Variants in RYR3 observed in about 807,000 individuals in gnomAD.
RYR3 encodes the protein brain ryanodine receptor-calcium release channel.
In RYR3, 207 loss-of-function variants were observed where a neutral mutation model predicts 584.3. That is an observed-to-expected ratio of 0.35 (90% CI 0.32 to 0.40). The LOEUF (loss-of-function observed/expected upper bound fraction) is 0.40, where lower values mean the gene tolerates loss of function less well. Among genes scored for constraint, RYR3 ranks in the 10% least tolerant of loss-of-function variants. The pLI, the probability that RYR3 is intolerant of heterozygous loss-of-function variation, is 1.00. For synonymous variants in RYR3, 2,416 were observed against 2,248.5 expected (o/e 1.07, Z -2.11); for missense variants, 5,616 against 6,089.2 (o/e 0.92, Z 2.59).
chr15:33,676,956 A>G (rs2064223670), intron 38 of RYR3, among the ~76,000 whole-genome samples: 1 of 152,212 alleles, frequency 6.6e-6, no homozygotes, highest in Non-Finnish European at 1.5e-5. Context: ...AAAGTCGAAC[A>G]CTTAATTGAG....
chr15:33,496,512 T>C (rs540569184), intron 2 of RYR3, among the ~76,000 whole-genome samples: 1 of 152,258 alleles, frequency 6.6e-6, no homozygotes, highest in East Asian at 1.9e-4. Flanking sequence ...ATATATGCGC[T>C]CTTTTTCTTT....
intron 82 of RYR3, 158 bp downstream of exon 82, chr15:33,825,834 G>C (rs2077352931): frequency 5.5e-6 from 3 of 548,478 alleles, no homozygotes; most frequent in East Asian, 6.2e-5. Context: ...CTGGGTTCAA[G>C]CACTTCTCCT....
At position 33,662,142 on chromosome 15, in the gene RYR3, C is replaced by G. The variant is rs377605521; in HGVS notation, c.4623-11C>G. 5 of 1,562,798 alleles carry G rather than the reference C, an allele frequency of 3.2e-6. No individual in the cohort carries two copies. The African/African-American group carries it at 4.1e-5, about 13-fold the overall frequency. On this transcript the variant is annotated splice_polypyrimidine_tract_variant and intron_variant, in intron 34 of 103. Coordinates refer to ENST00000634891, the MANE Select transcript of RYR3 (RefSeq NM_001036.6). ...CCCCCTGGTGTGGCTGATTGCTCGT[C>G]CTGTCCTCAGGTGTGTGGATATCCT...
intron 11 of RYR3, among the ~76,000 whole-genome samples, chr15:33,563,761 G>A (rs2057544848): frequency 6.6e-6 from 1 of 152,142 alleles, no homozygotes; most frequent in Non-Finnish European, 1.5e-5. Flanking sequence ...CAGTTTTCCA[G>A]AATGCAGGTT....
chr15:33,514,601 T>C (rs894538878), intron 3 of RYR3, among the ~76,000 whole-genome samples: 24 of 152,146 alleles, frequency 1.6e-4, no homozygotes, highest in African/African-American at 5.8e-4. Flanking sequence ...AAAGGTAAGT[T>C]GAATGCATTA....
Position 33,826,741 on chromosome 15 carries a change from G to T in RYR3, c.11234G>T (p.Gly3745Val), listed in dbSNP as rs1220700130. 1.2e-6 allele frequency: 2 copies of T among 1,611,594 alleles called. No individual in the cohort carries two copies. The highest frequency in any genetic ancestry group is 1.7e-6 in the Non-Finnish European group (2 of 1,178,840). Residue 3745 changes from glycine to valine, a missense_variant, in exon 84 of 104, where the codon GGA (glycine) becomes GTA (valine). This residue lies in a region of RYR3 where 954 missense variants were observed against 1,132.2 expected (regional missense o/e 0.84). Coordinates refer to ENST00000634891, the MANE Select transcript of RYR3 (RefSeq NM_001036.6). Reference sequence around the variant, plus strand: ...AGATTCCTACAGTTACTTTGTGAGGGACATAACAGTGGTGAGTGGAACAGA... The same window carrying T: ...AGATTCCTACAGTTACTTTGTGAGGTACATAACAGTGGTGAGTGGAACAGA... ...LFRFLQLLCE[G>V]HNSDFQNFLR...
At chr15:33,512,781 T>G (rs1425506255) in intron 3 of RYR3, among the ~76,000 whole-genome samples, 2 of 152,254 alleles carry the variant, frequency 1.3e-5, no homozygotes, top group Admixed American at 6.5e-5. Context: ...TGGTGGTGGT[T>G]GTTTCTATAT....
At chr15:33,569,375 ACT>A (rs1567559120) in intron 12 of RYR3, among the ~76,000 whole-genome samples, 1 of 151,990 alleles carries the variant, frequency 6.6e-6, no homozygotes, top group African/African-American at 2.4e-5. Context: ...CCAAACTGAA[ACT>A]CTGTATTTAT....
chr15:33,623,713 G>A (rs1002559445), intron 19 of RYR3, 94 bp from the exon 20 acceptor site: 1 of 858,442 alleles, frequency 1.2e-6, no homozygotes, highest in African/African-American at 1.7e-5. Flanking sequence ...ATTATGTTGA[G>A]GGTGGGAGGT....
At chr15:33,769,249 G>A (rs925972452) in intron 62 of RYR3, 77 bp downstream of exon 62, 1 of 1,071,422 alleles carries the variant, frequency 9.3e-7, no homozygotes, top group Admixed American at 1.7e-5. Flanking sequence ...TTATACTGAA[G>A]AGAAGACAGA....
In RYR3 at chr15:33,696,475, A is replaced by T. The variant is rs750470691; in HGVS notation, c.6118A>T (p.Met2040Leu). The change falls in exon 39 of 104, where the codon ATG (methionine) becomes TTG (leucine). Residue 2040 changes from methionine (M) to leucine (L), a missense_variant. Physicochemically the swap from Met to Leu is conservative, Grantham distance 15. Transcript: ENST00000634891. ...GATGGGCAAGGAAGAGGAGTTGCTC[A>T]TGATCAATGGGCTGGGGTAGGTGAT... ...VRMGKEEELLMINGLGDIMNN... is the reference protein window; with the variant it reads ...VRMGKEEELLLINGLGDIMNN... 5.6e-5 allele frequency: 91 copies of T among 1,613,890 alleles called. No individual in the cohort carries two copies. Among genetic ancestry groups the T allele is most frequent in the Non-Finnish European group, 7.6e-5 (90 of 1,179,884 alleles).
chr15:33,765,770 T>G (rs935437790), intron 60 of RYR3, among the ~76,000 whole-genome samples: 1 of 152,212 alleles, frequency 6.6e-6, no homozygotes, highest in Non-Finnish European at 1.5e-5. Context: ...ACTTTGAGAT[T>G]TAGCTAACTT....
chr15:33,591,545 G>T (rs950723533), intron 16 of RYR3, among the ~76,000 whole-genome samples: 2 of 152,180 alleles, frequency 1.3e-5, no homozygotes, highest in African/African-American at 4.8e-5. Flanking sequence ...AGCACTGATT[G>T]TGTTATTTGG....
At chr15:33,393,665 C>A (rs1481512152) in intron 1 of RYR3, among the ~76,000 whole-genome samples, 1 of 152,120 alleles carries the variant, frequency 6.6e-6, no homozygotes, top group Non-Finnish European at 1.5e-5. Flanking sequence ...ACTGGGAACT[C>A]CACTGTGTAT....
intron 1 of RYR3, among the ~76,000 whole-genome samples, chr15:33,410,826 A>G (rs2043353748): frequency 1.3e-5 from 2 of 152,168 alleles, no homozygotes; most frequent in South Asian, 2.1e-4. Flanking sequence ...AAGAGGTTCA[A>G]TGGACTCACA....
intron 38 of RYR3, among the ~76,000 whole-genome samples, chr15:33,680,422 C>T (rs1230755262): frequency 6.6e-6 from 1 of 152,234 alleles, no homozygotes; most frequent in South Asian, 2.1e-4. Flanking sequence ...GCTCTGCTCA[C>T]TCTCCAGGCA....
intron 37 of RYR3, among the ~76,000 whole-genome samples, chr15:33,670,145 C>T (rs1475131955): frequency 6.6e-6 from 1 of 152,080 alleles, no homozygotes; most frequent in Admixed American, 6.6e-5. Context: ...TATGTAATCC[C>T]CCTTACACTC....
intron 89 of RYR3, among the ~76,000 whole-genome samples, chr15:33,839,242 G>C (rs2078218063): frequency 6.6e-6 from 1 of 152,164 alleles, no homozygotes; most frequent in Admixed American, 6.5e-5. Context: ...TTTATTAGAA[G>C]GTTAGTTCTC....
rs1226194626 is a variant in RYR3, at chr15:33,567,764, G to GT, written c.1268+969dup. Among the ~76,000 whole-genome samples, 4 of 152,054 alleles carry GT rather than the reference G, an allele frequency of 2.6e-5. No homozygotes were observed. The East Asian group carries it at 7.7e-4, about 29-fold the overall frequency. Reference sequence around the variant, plus strand: ...ACTTGTTAAAAATGCAGATTCTTAGGTTTTACCTCAAACCCACTGAATCAG... The same window carrying GT: ...ACTTGTTAAAAATGCAGATTCTTAGGTTTTTACCTCAAACCCACTGAATCAG... On this transcript the variant is annotated intron_variant, in intron 12 of 103. Coordinates refer to ENST00000634891, the MANE Select transcript of RYR3 (RefSeq NM_001036.6).
Sources: allele counts gnomAD v4.1 joint callset (sites outside exome capture counted in the v4.1 genomes callset), GRCh38; gene constraint gnomAD v4.1.1; regional missense constraint gnomAD v4.1.1; transcripts MANE v1.5; gene names NCBI Gene and HGNC (gene_info 2026-07-23, HGNC 2026-07-21).